The following HVCN1 variants were observed in gnomAD, a reference collection of about 807,000 sequenced individuals.
The protein encoded by HVCN1 is voltage-gated hydrogen channel 1.
A neutral mutation model predicts 29.2 loss-of-function variants in HVCN1; 14 were observed. The observed-to-expected ratio is 0.48, with a 90% CI of 0.32 to 0.75. HVCN1 has a LOEUF of 0.75. Among genes scored for constraint, HVCN1 ranks in the 30% least tolerant of loss-of-function variants. The pLI, the probability that HVCN1 is intolerant of heterozygous loss-of-function variation, is 0.04. For synonymous variants in HVCN1, 131 were observed against 133.2 expected (o/e 0.98, Z 0.11); for missense variants, 263 against 341.8 (o/e 0.77, Z 1.82).
intron 2 of HVCN1, among the ~76,000 whole-genome samples, chr12:110,684,873 C>T (rs947229459): frequency 7.9e-5 from 12 of 152,300 alleles, no homozygotes; most frequent in East Asian, 5.8e-4. Context: ...CAGTTTCCTA[C>T]GTCGCCTTCT....
At chr12:110,672,150 T>A (rs2068596082) in intron 3 of HVCN1, among the ~76,000 whole-genome samples, 1 of 152,210 alleles carries the variant, frequency 6.6e-6, no homozygotes, top group African/African-American at 2.4e-5. Context: ...TTCCTTTTTA[T>A]TGAGATGGGA....
rs112340995 is a variant in HVCN1, at chr12:110,649,850, A to G, written c.756+318T>C. On this transcript the variant is annotated intron_variant, in intron 7 of 7. Coordinates refer to ENST00000242607, the MANE Select transcript of HVCN1 (RefSeq NM_032369.4). The stretch of plus-strand genomic sequence containing the variant: ...TGCGGCAGAGGCCAGCTTCCCAGAT[A>G]TCTTTTTTTTTTGAGACAGAGTTTT... Among the ~76,000 whole-genome samples, 1,087 of 152,050 alleles carry G rather than the reference A, an allele frequency of 7.1e-3. 1 individual carries two copies. The highest frequency in any genetic ancestry group is 9.4e-3 in the Non-Finnish European group (639 of 67,944).
intron 3 of HVCN1, among the ~76,000 whole-genome samples, chr12:110,666,350 G>C (rs542333618): frequency 7.2e-5 from 11 of 152,202 alleles, no homozygotes; most frequent in African/African-American, 2.6e-4. Flanking sequence ...GTGAACCCAG[G>C]AGATGGAGGT....
Position 110,655,340 on chromosome 12 carries a change from T to C in HVCN1, c.307-2A>G. On this transcript the variant is annotated splice_acceptor_variant, in intron 4 of 7. Coordinates refer to ENST00000242607, the MANE Select transcript of HVCN1 (RefSeq NM_032369.4). LOFTEE classifies it high-confidence loss of function. ...AACCACCAAGCAGATGATGATGACC[T>C]GTGGGCCGAGGGAAGGTGCCAGAGA... 6.2e-7 allele frequency: 1 copy of C among 1,611,576 alleles called. No individual in the cohort carries two copies. Among genetic ancestry groups the C allele is most frequent in the South Asian group, 1.1e-5 (1 of 91,004 alleles).
chr12:110,702,601 G>T (rs2069574225), intron 1 of HVCN1, among the ~76,000 whole-genome samples: 2 of 151,886 alleles, frequency 1.3e-5, no homozygotes, highest in Admixed American at 6.6e-5. Context: ...TCCTGCCTCA[G>T]CCTCCCAAGT....
chr12:110,685,330 G>C (rs1410973636), intron 2 of HVCN1, among the ~76,000 whole-genome samples: 1 of 152,166 alleles, frequency 6.6e-6, no homozygotes, highest in African/African-American at 2.4e-5. Context: ...CAAGCAAACA[G>C]ATTCTCCCCC....
chr12:110,663,360 T>C (rs1288960834), intron 3 of HVCN1, among the ~76,000 whole-genome samples: 2 of 151,800 alleles, frequency 1.3e-5, no homozygotes, highest in African/African-American at 4.8e-5. Flanking sequence ...CCCCACACTT[T>C]GGGAGGCTGA....
intron 4 of HVCN1, among the ~76,000 whole-genome samples, chr12:110,660,604 A>G (rs535038128): frequency 1.3e-5 from 2 of 152,324 alleles, no homozygotes; most frequent in South Asian, 4.1e-4. Flanking sequence ...ACCATTTTAA[A>G]GTTGGCGTAA....
At position 110,658,910 on chromosome 12, in the gene HVCN1, C is replaced by T. The variant is rs1415423659; in HGVS notation, c.306+2254G>A. On this transcript the variant is annotated intron_variant, in intron 4 of 7. Coordinates refer to ENST00000242607, the MANE Select transcript of HVCN1 (RefSeq NM_032369.4). This position sits in a 1 kb window ranked among gnomAD's most constrained non-coding sequence, Gnocchi z 5.0. ...CCCCAGCAGGAGTATCTGGGTGTCCCAGCTCAGGGGCCAGTCCCCAGCCCT... is the reference window on the plus strand; with the variant it reads ...CCCCAGCAGGAGTATCTGGGTGTCCTAGCTCAGGGGCCAGTCCCCAGCCCT... Among the ~76,000 whole-genome samples, 1 of 152,226 alleles carries T rather than the reference C, an allele frequency of 6.6e-6. No individual in the cohort carries two copies. The highest frequency in any genetic ancestry group is 2.4e-5 in the African/African-American group (1 of 41,464).
At chr12:110,686,771 T>C (rs1431287380) in intron 2 of HVCN1, among the ~76,000 whole-genome samples, 2 of 152,206 alleles carry the variant, frequency 1.3e-5, no homozygotes, top group Non-Finnish European at 2.9e-5. Flanking sequence ...TTTTTCTAAA[T>C]AGCTACCTGG....
In HVCN1 at chr12:110,680,127, G is replaced by A. The variant is rs142095588; in HGVS notation, c.21+3098C>T. On this transcript the variant is annotated intron_variant, in intron 3 of 7. Coordinates refer to ENST00000242607, the MANE Select transcript of HVCN1 (RefSeq NM_032369.4). ...ATTCCATAAGGGCAGATCATGAAAAGGAACATGTTCTTCAAACCAGTAAGA... is the reference window on the plus strand; with the variant it reads ...ATTCCATAAGGGCAGATCATGAAAAAGAACATGTTCTTCAAACCAGTAAGA... Among the ~76,000 whole-genome samples, 11 of 152,294 alleles carry A rather than the reference G, an allele frequency of 7.2e-5. No homozygotes were observed. In the East Asian group the frequency reaches 2.1e-3, roughly 29 times the overall value.
intron 2 of HVCN1, among the ~76,000 whole-genome samples, chr12:110,699,004 T>C (rs1485052882): frequency 6.6e-6 from 1 of 152,200 alleles, no homozygotes; most frequent in Non-Finnish European, 1.5e-5. Context: ...GGTGTGCATC[T>C]GTAATCCCAG....
At chr12:110,659,170 C>T (rs1202590953) in intron 4 of HVCN1, among the ~76,000 whole-genome samples, 1 of 151,830 alleles carries the variant, frequency 6.6e-6, no homozygotes, top group Non-Finnish European at 1.5e-5. Flanking sequence ...TTCAGCCACA[C>T]AAGAGAGTGG....
At chr12:110,660,249 G>A (rs1341401823) in intron 4 of HVCN1, among the ~76,000 whole-genome samples, 2 of 151,948 alleles carry the variant, frequency 1.3e-5, no homozygotes, top group Admixed American at 6.6e-5. Context: ...GGTGGCAGGC[G>A]CCTATAATCC....
intron 3 of HVCN1, among the ~76,000 whole-genome samples, chr12:110,681,227 A>G (rs1225130932): frequency 6.6e-6 from 1 of 152,168 alleles, no homozygotes; most frequent in Admixed American, 6.5e-5. Flanking sequence ...TTTTTTCTTC[A>G]TAGTACATAA....
chr12:110,680,772 C>CA (rs1279099897), intron 3 of HVCN1, among the ~76,000 whole-genome samples: 16 of 151,776 alleles, frequency 1.1e-4, no homozygotes, highest in African/African-American at 2.2e-4. Flanking sequence ...CAAAACAAAA[C>CA]AAAAAAAACT....
intron 3 of HVCN1, among the ~76,000 whole-genome samples, chr12:110,668,234 ACT>A (rs1255676744): frequency 6.6e-5 from 10 of 152,066 alleles, no homozygotes; most frequent in African/African-American, 2.4e-4. Context: ...GGGCATGGTG[ACT>A]CACATCTGCA....
chr12:110,678,978 C>T (rs972732950), intron 3 of HVCN1, among the ~76,000 whole-genome samples: 1 of 152,148 alleles, frequency 6.6e-6, no homozygotes, highest in African/African-American at 2.4e-5. Flanking sequence ...GAAAAAGTTA[C>T]CCAGGTAGAA....
At chr12:110,668,049 A>G in intron 3 of HVCN1, among the ~76,000 whole-genome samples, 1 of 152,108 alleles carries the variant, frequency 6.6e-6, no homozygotes, top group South Asian at 2.1e-4. Flanking sequence ...CAGCTTCACC[A>G]TGCACTCCAG....
Sources: allele counts gnomAD v4.1 joint callset (sites outside exome capture counted in the v4.1 genomes callset), GRCh38; gene constraint gnomAD v4.1.1; non-coding constraint Gnocchi (gnomAD v3.1); transcripts MANE v1.5; gene names NCBI Gene and HGNC (gene_info 2026-07-23, HGNC 2026-07-21).